BBS9: variants seen among roughly 807,000 people sequenced by gnomAD.
BBS9 encodes the protein protein PTHB1.
In BBS9, 89 loss-of-function variants were observed where a neutral mutation model predicts 117.7. The observed-to-expected ratio is 0.76, with a 90% CI of 0.64 to 0.90. The LOEUF (loss-of-function observed/expected upper bound fraction) is 0.90. Among genes scored for constraint, BBS9 ranks in the 40% least tolerant of loss-of-function variants. The probability of loss-of-function intolerance (pLI) is 0.00; values close to 1 mark genes in which losing one functional copy is unlikely to be tolerated. For synonymous variants in BBS9, 379 were observed against 370.9 expected (o/e 1.02, Z -0.25); for missense variants, 982 against 1,042.2 (o/e 0.94, Z 0.80).
chr7:33,440,159 A>G (rs930225207), intron 19 of BBS9, among the ~76,000 whole-genome samples: 1 of 152,244 alleles, frequency 6.6e-6, no homozygotes, highest in African/African-American at 2.4e-5. Context: ...ATTCTAAGCC[A>G]TAGTTCCATC....
In BBS9 at chr7:33,496,618, C is replaced by A. The variant is rs576157919; in HGVS notation, c.2116-8845C>A. Among the ~76,000 whole-genome samples the A allele has an allele frequency of 4.4e-4, 67 of 152,170 alleles. 2 individuals carry two copies. The highest frequency in any genetic ancestry group is 1.6e-3 in the African/African-American group (66 of 41,518). On this transcript the variant is annotated intron_variant, in intron 19 of 22. Coordinates refer to ENST00000242067, the MANE Select transcript of BBS9 (RefSeq NM_198428.3). ...AATATGAAGTGCAATAGAATGAAATCCAGTTCACTGTCCTATTAATACAAA... is the reference window on the plus strand; with the variant it reads ...AATATGAAGTGCAATAGAATGAAATACAGTTCACTGTCCTATTAATACAAA...
At chr7:33,174,647 C>T (rs910247087) in intron 4 of BBS9, among the ~76,000 whole-genome samples, 4 of 152,214 alleles carry the variant, frequency 2.6e-5, no homozygotes, top group African/African-American at 9.6e-5. Flanking sequence ...GTTTACACTT[C>T]CATTTATGTT....
At chr7:33,415,954 C>T (rs1040326538) in intron 19 of BBS9, among the ~76,000 whole-genome samples, 3 of 152,146 alleles carry the variant, frequency 2.0e-5, no homozygotes, top group African/African-American at 7.2e-5. Context: ...CCACCTCAGC[C>T]TCCTGAGTTG....
intron 13 of BBS9, 48 bp downstream of exon 13, chr7:33,349,218 A>G (rs548817285): frequency 2.3e-6 from 3 of 1,328,054 alleles, no homozygotes; most frequent in East Asian, 2.3e-5. Flanking sequence ...TGAATTTTTT[A>G]AAAATACTAG....
At chr7:33,587,704 A>G (rs1261466523) in intron 21 of BBS9, among the ~76,000 whole-genome samples, 1 of 152,088 alleles carries the variant, frequency 6.6e-6, no homozygotes, top group African/African-American at 2.4e-5. Context: ...AAAATATAAG[A>G]TAGAGATGGA....
intron 21 of BBS9, among the ~76,000 whole-genome samples, chr7:33,611,619 A>T (rs1416734099): frequency 7.4e-6 from 1 of 134,308 alleles, no homozygotes; most frequent in African/African-American, 2.9e-5. Context: ...ATTAATATTA[A>T]TTATTTAATA....
Position 33,252,929 on chromosome 7 carries a change from A to G in BBS9, c.443-4307A>G, listed in dbSNP as rs1297645860. On this transcript the variant is annotated intron_variant, in intron 5 of 22. Coordinates refer to ENST00000242067, the MANE Select transcript of BBS9 (RefSeq NM_198428.3). ...AAATGAAAACCCATATTTCTACCACATCAAGTTGTAAATATATATGTATTT... is the reference window on the plus strand; with the variant it reads ...AAATGAAAACCCATATTTCTACCACGTCAAGTTGTAAATATATATGTATTT... 2.0e-5 allele frequency among the ~76,000 whole-genome samples: 3 copies of G among 152,262 alleles called. No individual in the cohort carries two copies. The East Asian group carries it at 5.8e-4, about 29-fold the overall frequency.
At chr7:33,352,726 C>A (rs1818895378) in intron 14 of BBS9, 133 bp from the exon 15 acceptor site, 8 of 1,006,662 alleles carry the variant, frequency 7.9e-6, no homozygotes, top group Non-Finnish European at 1.1e-5. Flanking sequence ...TCATTTAAGT[C>A]ATCTGTGAGA....
At chr7:33,310,989 G>A (rs1470802934) in intron 9 of BBS9, among the ~76,000 whole-genome samples, 2 of 152,188 alleles carry the variant, frequency 1.3e-5, no homozygotes, top group African/African-American at 4.8e-5. Context: ...TTCCAACAGT[G>A]AGAAGTACTG....
At chr7:33,475,605 GA>G (rs112835190) in intron 19 of BBS9, among the ~76,000 whole-genome samples, 219 of 144,494 alleles carry the variant, frequency 1.5e-3, no homozygotes, top group African/African-American at 3.9e-3. Context: ...AGTATGACGA[GA>G]AAAAAAAAAA....
chr7:33,423,251 TCTGCCTCTG>T (rs1833131686), intron 19 of BBS9, among the ~76,000 whole-genome samples: 1 of 152,100 alleles, frequency 6.6e-6, no homozygotes, highest in South Asian at 2.1e-4. Flanking sequence ...GCAGAGAACA[TCTGCCTCTG>T]CTGCTGGGGT....
intron 6 of BBS9, among the ~76,000 whole-genome samples, chr7:33,261,234 G>T (rs916023059): frequency 6.6e-6 from 1 of 152,054 alleles, no homozygotes; most frequent in African/African-American, 2.4e-5. Flanking sequence ...TAGTTTTTCA[G>T]TGCTTCCCTT....
intron 9 of BBS9, among the ~76,000 whole-genome samples, chr7:33,307,743 CTT>C (rs1185765125): frequency 6.7e-6 from 1 of 148,648 alleles, no homozygotes; most frequent in African/African-American, 2.5e-5. Context: ...AGAAAAAAGT[CTT>C]TGCGTGTTCA....
chr7:33,392,419 G>A (rs1177081639), intron 19 of BBS9, among the ~76,000 whole-genome samples: 1 of 152,128 alleles, frequency 6.6e-6, no homozygotes, highest in Non-Finnish European at 1.5e-5. Flanking sequence ...AAATAATTGG[G>A]CCACTTGTCT....
At chr7:33,530,428 G>A (rs1850398024) in intron 20 of BBS9, among the ~76,000 whole-genome samples, 1 of 152,184 alleles carries the variant, frequency 6.6e-6, no homozygotes, top group African/African-American at 2.4e-5. Context: ...TGATACAGTA[G>A]TTTGCTTAAA....
intron 5 of BBS9, among the ~76,000 whole-genome samples, chr7:33,249,255 G>A (rs73689885): frequency 0.031 from 4,004 of 130,648 alleles, 163 homozygotes; most frequent in African/African-American, 0.11. Flanking sequence ...ACACACACGC[G>A]TACACTCCTA....
intron 6 of BBS9, among the ~76,000 whole-genome samples, chr7:33,259,563 CG>C (rs1468248917): frequency 1.3e-5 from 2 of 151,168 alleles, no homozygotes; most frequent in Non-Finnish European, 2.9e-5. Context: ...TTAATAGAGA[CG>C]GGGTCTCACT....
At chr7:33,403,728 G>C (rs192868724) in intron 19 of BBS9, among the ~76,000 whole-genome samples, 2 of 151,880 alleles carry the variant, frequency 1.3e-5, no homozygotes, top group African/African-American at 4.8e-5. Flanking sequence ...TTGGACATTT[G>C]GGTTAGTTCC....
intron 19 of BBS9, among the ~76,000 whole-genome samples, chr7:33,439,059 G>T (rs923003690): frequency 8.5e-5 from 13 of 152,290 alleles, no homozygotes; most frequent in Admixed American, 1.3e-4. Flanking sequence ...AGCCAAAAAT[G>T]CCTGTATTCT....
Sources: gnomAD v4.1 joint callset for allele counts (sites outside exome capture counted in the v4.1 genomes callset) on GRCh38, gnomAD v4.1.1 for gene constraint, MANE v1.5 for transcripts, NCBI Gene and HGNC (gene_info 2026-07-23, HGNC 2026-07-21) for gene names.